SEPTIN9: variants seen among roughly 807,000 people sequenced by gnomAD.
SEPTIN9 encodes septin-9.
A neutral mutation model predicts 56.6 loss-of-function variants in SEPTIN9; 13 were observed. That is an observed-to-expected ratio of 0.23 (90% CI 0.15 to 0.37). The LOEUF (loss-of-function observed/expected upper bound fraction) is 0.37. SEPTIN9 is among the 10% of genes least tolerant of loss of function. The pLI, the probability that SEPTIN9 is intolerant of heterozygous loss-of-function variation, is 1.00. For missense variants in SEPTIN9, 650 were observed against 823.1 expected, an observed-to-expected ratio of 0.79 and a Z score of 2.57; for synonymous variants, 332 against 334.1, an observed-to-expected ratio of 0.99 and a Z score of 0.07.
chr17:77,343,736 G>A (rs969229312), intron 2 of SEPTIN9, among the ~76,000 whole-genome samples: 4 of 152,184 alleles, frequency 2.6e-5, no homozygotes, highest in Non-Finnish European at 4.4e-5. Flanking sequence ...GAACTGAATT[G>A]CAGGACACCC....
chr17:77,469,070 T>G (rs1307707249), intron 3 of SEPTIN9: 2 of 152,360 alleles, frequency 1.3e-5, no homozygotes, highest in Non-Finnish European at 2.9e-5. Flanking sequence ...TGACAGTGGC[T>G]GCAGATACCC....
chr17:77,384,783 AGCCACATGGC>A (rs1322354212), intron 2 of SEPTIN9, among the ~76,000 whole-genome samples: 1 of 151,782 alleles, frequency 6.6e-6, no homozygotes, highest in African/African-American at 2.4e-5. Context: ...TAGGGACCTC[AGCCACATGGC>A]GCCACATGGA....
At chr17:77,325,747 A>G (rs1443598556) in intron 2 of SEPTIN9, among the ~76,000 whole-genome samples, 2 of 152,126 alleles carry the variant, frequency 1.3e-5, no homozygotes, top group East Asian at 1.9e-4. Flanking sequence ...CGCTTCTGCC[A>G]TCTGTGCCTT....
chr17:77,341,292 G>C (rs1419719608), intron 2 of SEPTIN9, among the ~76,000 whole-genome samples: 1 of 152,138 alleles, frequency 6.6e-6, no homozygotes, highest in Non-Finnish European at 1.5e-5. Flanking sequence ...GGCCATTGTA[G>C]GGTTATTAAT....
chr17:77,392,090 A>C (rs1397451883), intron 2 of SEPTIN9, among the ~76,000 whole-genome samples: 1 of 152,150 alleles, frequency 6.6e-6, no homozygotes, highest in Non-Finnish European at 1.5e-5. Context: ...GGGAAGGAGG[A>C]GGCTTGTTTA....
intron 1 of SEPTIN9, 27 bp downstream of exon 1, chr17:77,281,581 G>T (rs2031023726): frequency 3.9e-6 from 6 of 1,534,708 alleles, no homozygotes; most frequent in Non-Finnish European, 4.4e-6. Flanking sequence ...GGGTGGGGAG[G>T]GGTCGGTGTC....
At chr17:77,339,123 G>A (rs745724386) in intron 2 of SEPTIN9, among the ~76,000 whole-genome samples, 1 of 152,178 alleles carries the variant, frequency 6.6e-6, no homozygotes, top group East Asian at 1.9e-4. Flanking sequence ...GTCTTAAACC[G>A]CTCATCCATG....
chr17:77,299,275 C>T (rs772321542), intron 1 of SEPTIN9, among the ~76,000 whole-genome samples: 8 of 152,240 alleles, frequency 5.3e-5, no homozygotes, highest in Non-Finnish European at 1.2e-4. Context: ...AAAGCTGTCT[C>T]TGTGCTCCTC....
chr17:77,364,449 A>C (rs566716113), intron 2 of SEPTIN9, among the ~76,000 whole-genome samples: 1 of 152,372 alleles, frequency 6.6e-6, no homozygotes, highest in African/African-American at 2.4e-5. Flanking sequence ...GGGAACCCCC[A>C]CACACATTTG....
chr17:77,482,757 A>G, intron 4 of SEPTIN9: 1 of 579,650 alleles, frequency 1.7e-6, no homozygotes. Context: ...GCTCAGCTTC[A>G]GCTCTGCCCT....
intron 2 of SEPTIN9, among the ~76,000 whole-genome samples, chr17:77,385,385 C>T (rs1430982947): frequency 6.6e-6 from 1 of 151,702 alleles, no homozygotes; most frequent in East Asian, 1.9e-4. Flanking sequence ...GAGTTGCCAG[C>T]TCACATATTT....
chr17:77,460,949 T>C (rs2038445191), intron 3 of SEPTIN9, among the ~76,000 whole-genome samples: 1 of 152,218 alleles, frequency 6.6e-6, no homozygotes, highest in Non-Finnish European at 1.5e-5. Flanking sequence ...TCCTTCTTTA[T>C]TTAAAAGGGT....
In SEPTIN9 at chr17:77,445,438, C is replaced by G. The variant is rs754141724; in HGVS notation, c.722-36706C>G. On this transcript the variant is annotated intron_variant, in intron 3 of 11. Coordinates refer to ENST00000427177, the MANE Select transcript of SEPTIN9 (RefSeq NM_001113491.2). This position sits in a 1 kb window ranked among gnomAD's most constrained non-coding sequence, Gnocchi z 4.7. ...TGGCAGGAAGGCTGAGCTCTGTGCT[C>G]ACAACCTGGCTTGGTGGTGGCCGAG... The G allele has an allele frequency of 1.7e-4, 81 of 470,010 alleles. No individual in the cohort carries two copies. The highest frequency in any genetic ancestry group is 1.5e-3 in the African/African-American group (77 of 50,176). 29.1% of individuals were successfully genotyped at this position (470,010 alleles called of 1,614,324 possible). A position where few individuals can be genotyped will look rare whatever the true frequency, so the allele number is the denominator to read the frequency against.
chr17:77,291,598 C>G (rs757172545), intron 1 of SEPTIN9, among the ~76,000 whole-genome samples: 6 of 152,070 alleles, frequency 3.9e-5, no homozygotes, highest in Non-Finnish European at 5.9e-5. Flanking sequence ...TGCCACGGCA[C>G]TCCAGCCTGG....
At chr17:77,418,592 C>T (rs1044409911) in intron 3 of SEPTIN9, among the ~76,000 whole-genome samples, 2 of 152,044 alleles carry the variant, frequency 1.3e-5, no homozygotes, top group African/African-American at 4.8e-5. Context: ...ATCTGCCCAC[C>T]TCGGCTTCCC....
At chr17:77,288,279 T>C (rs1369856682) in intron 1 of SEPTIN9, 2 of 934,250 alleles carry the variant, frequency 2.1e-6, no homozygotes, top group East Asian at 6.5e-5. Flanking sequence ...GCCTGCGCCA[T>C]GGCCGGGGCC....
chr17:77,489,480 C>T (rs1228078676), intron 7 of SEPTIN9, among the ~76,000 whole-genome samples: 1 of 152,152 alleles, frequency 6.6e-6, no homozygotes, highest in African/African-American at 2.4e-5. Flanking sequence ...CCTGTGCACC[C>T]CCTGCCAGAC....
rs1025442218 is a variant in SEPTIN9, at chr17:77,434,862, T to C, written c.721+32159T>C. On this transcript the variant is annotated intron_variant, in intron 3 of 11. Coordinates refer to ENST00000427177, the MANE Select transcript of SEPTIN9 (RefSeq NM_001113491.2). This position sits in a 1 kb window ranked among gnomAD's most constrained non-coding sequence, Gnocchi z 5.0. The stretch of plus-strand genomic sequence containing the variant: ...CAGTCGCTGGAACTAAGAGTGAACT[T>C]CAGCTGTTGTTGCCATAGCTGGAGG... Among the ~76,000 whole-genome samples the C allele has an allele frequency of 6.6e-6, 1 of 152,024 alleles. No individual in the cohort carries two copies. The highest frequency in any genetic ancestry group is 1.5e-5 in the Non-Finnish European group (1 of 67,990).
intron 3 of SEPTIN9, among the ~76,000 whole-genome samples, chr17:77,464,369 C>T (rs1051199416): frequency 2.6e-5 from 4 of 152,196 alleles, no homozygotes; most frequent in African/African-American, 9.7e-5. Context: ...TGAGCCACCA[C>T]GCCTGGCCAG....
Sources: allele counts gnomAD v4.1 joint callset (sites outside exome capture counted in the v4.1 genomes callset), GRCh38; gene constraint gnomAD v4.1.1; non-coding constraint Gnocchi (gnomAD v3.1); transcripts MANE v1.5; gene names NCBI Gene and HGNC (gene_info 2026-07-23, HGNC 2026-07-21).